AFF1: variants seen among roughly 807,000 people sequenced by gnomAD.
AFF1 encodes the protein ALF transcription elongation factor 1.
Under a neutral mutation model 121.7 loss-of-function variants are expected in AFF1, and 48 were observed. The ratio of observed to expected loss-of-function variants is 0.39; its 90% CI spans 0.31 to 0.50. The LOEUF (loss-of-function observed/expected upper bound fraction) is 0.50, where lower values mean the gene tolerates loss of function less well. AFF1 is among the 20% of genes least tolerant of loss of function. The probability of loss-of-function intolerance (pLI) is 0.76; values close to 1 mark genes in which losing one functional copy is unlikely to be tolerated. For missense variants in AFF1, 1,523 were observed against 1,511.7 expected, an observed-to-expected ratio of 1.01 and a Z score of -0.12; for synonymous variants, 613 against 563.0, an observed-to-expected ratio of 1.09 and a Z score of -1.26.
chr4:87,127,170 C>CCG (rs1553937317), intron 15 of AFF1, 53 bp downstream of exon 15: 2 of 1,293,424 alleles, frequency 1.5e-6, no homozygotes, highest in Non-Finnish European at 2.2e-6. Context: ...TTTGCTTCCC[C>CCG]CCCCCACCAA....
chr4:87,009,787 C>A (rs1030935197), intron 2 of AFF1, among the ~76,000 whole-genome samples: 1 of 152,132 alleles, frequency 6.6e-6, no homozygotes, highest in Middle Eastern at 3.2e-3. Flanking sequence ...CTGAGTAATG[C>A]TAAGAGAAAC....
intron 2 of AFF1, among the ~76,000 whole-genome samples, chr4:87,013,965 A>G (rs1319954480): frequency 6.6e-6 from 1 of 152,138 alleles, no homozygotes; most frequent in Non-Finnish European, 1.5e-5. Flanking sequence ...ACCATGTTGT[A>G]TGATGCTATT....
At chr4:86,998,770 T>C (rs1199683987) in intron 2 of AFF1, among the ~76,000 whole-genome samples, 1 of 152,142 alleles carries the variant, frequency 6.6e-6, no homozygotes, top group African/African-American at 2.4e-5. Flanking sequence ...GAGGGGGTGG[T>C]AGTGGTGATG....
At chr4:87,017,820 G>T (rs1175489493) in intron 2 of AFF1, among the ~76,000 whole-genome samples, 1 of 152,034 alleles carries the variant, frequency 6.6e-6, no homozygotes, top group African/African-American at 2.4e-5. Flanking sequence ...TCCGACTTCA[G>T]TTAAAGATAG....
intron 1 of AFF1, among the ~76,000 whole-genome samples, chr4:86,940,966 T>G (rs1720414399): frequency 6.6e-6 from 1 of 151,964 alleles, no homozygotes; most frequent in African/African-American, 2.4e-5. Context: ...TGGACACCTG[T>G]AATCCCAGCT....
chr4:87,025,124 C>T (rs1267211927), intron 2 of AFF1, among the ~76,000 whole-genome samples: 1 of 152,044 alleles, frequency 6.6e-6, no homozygotes, highest in African/African-American at 2.4e-5. Context: ...AGTTATCTCC[C>T]TTTTTAGGGA....
intron 2 of AFF1, among the ~76,000 whole-genome samples, chr4:86,987,504 C>G (rs1724381435): frequency 6.6e-6 from 1 of 152,114 alleles, no homozygotes; most frequent in Non-Finnish European, 1.5e-5. Context: ...ATGAGTTAGA[C>G]TTGGTGGAGA....
intron 2 of AFF1, among the ~76,000 whole-genome samples, chr4:86,970,677 G>A (rs1722879083): frequency 6.6e-6 from 1 of 152,122 alleles, no homozygotes. Context: ...AGTGTCAGCT[G>A]GATGAAGGAA....
chr4:87,072,071 T>G (rs1361212395), intron 4 of AFF1, among the ~76,000 whole-genome samples: 1 of 152,064 alleles, frequency 6.6e-6, no homozygotes, highest in Non-Finnish European at 1.5e-5. Flanking sequence ...CTTAGAAGAT[T>G]TTAAATTCAG....
In AFF1 at chr4:87,114,799, G is replaced by A; in HGVS notation, c.1966G>A (p.Gly656Arg). 6.2e-7 allele frequency: 1 copy of A among 1,613,098 alleles called. No homozygotes were observed. Among genetic ancestry groups the A allele is most frequent in the Non-Finnish European group, 8.5e-7 (1 of 1,179,646 alleles). ...AGACAAGCCCAAGGTGAAGACGAAA[G>A]GACGGCCCCGGGCCGCAGCAAGCAA... ...SKDKPKVKTK[G>R]RPRAAASNEP... Residue 656 changes from glycine to arginine, a missense_variant, in exon 12 of 21, where the codon GGA (glycine) becomes AGA (arginine). Gly to Arg is a moderately radical substitution (Grantham distance 125). This residue lies in a region of AFF1 where 905 missense variants were observed against 842.5 expected (regional missense o/e 1.07). Coordinates refer to ENST00000395146, the MANE Select transcript of AFF1 (RefSeq NM_001166693.3).
At chr4:86,970,397 G>C (rs1203781282) in intron 2 of AFF1, among the ~76,000 whole-genome samples, 1 of 152,124 alleles carries the variant, frequency 6.6e-6, no homozygotes, top group African/African-American at 2.4e-5. Context: ...ATGAAGGAAT[G>C]AGTCCCCATC....
At chr4:87,067,108 A>C (rs1721436810) in intron 4 of AFF1, among the ~76,000 whole-genome samples, 1 of 152,204 alleles carries the variant, frequency 6.6e-6, no homozygotes, top group African/African-American at 2.4e-5. Flanking sequence ...GAGATTCATG[A>C]AATAAAAGTT....
chr4:86,952,141 T>C (rs986420743), intron 2 of AFF1, among the ~76,000 whole-genome samples: 5 of 152,152 alleles, frequency 3.3e-5, no homozygotes, highest in African/African-American at 4.8e-5. Context: ...GCAGATTCTT[T>C]GTAATTCTTG....
chr4:86,961,659 C>CT (rs1274220882), intron 2 of AFF1, among the ~76,000 whole-genome samples: 1 of 128,350 alleles, frequency 7.8e-6, no homozygotes, highest in Non-Finnish European at 1.8e-5. Flanking sequence ...AGATTAGTTA[C>CT]CCAAAAAAAA....
intron 5 of AFF1, among the ~76,000 whole-genome samples, 164 bp from the exon 6 acceptor site, chr4:87,089,820 G>A (rs561944337): frequency 2.0e-5 from 3 of 152,228 alleles, no homozygotes; most frequent in Non-Finnish European, 4.4e-5. Flanking sequence ...TTTCAACATA[G>A]CCCACTGAAA....
chr4:86,948,736 A>G (rs1413305181), intron 2 of AFF1, among the ~76,000 whole-genome samples, 165 bp downstream of exon 2: 1 of 152,196 alleles, frequency 6.6e-6, no homozygotes, highest in Non-Finnish European at 1.5e-5. Flanking sequence ...AACTTGTTGG[A>G]CTGGCTACAT....
chr4:87,049,094 AAGGG>A (rs763712855), intron 4 of AFF1, among the ~76,000 whole-genome samples: 1,208 of 67,274 alleles, frequency 0.018, 28 homozygotes, highest in African/African-American at 0.067. Context: ...AAAAAAAAAA[AAGGG>A]GGGGGGGGGA....
At position 87,047,518 on chromosome 4, in the gene AFF1, C is replaced by T. The variant is rs754035304; in HGVS notation, c.983C>T (p.Thr328Ile). The change falls in exon 4 of 21, where the codon ACC becomes ATC. Residue 328 changes from threonine (T) to isoleucine (I), a missense_variant. Around this residue, in one of 5 missense-constraint regions of AFF1, gnomAD observed 905 missense variants for 842.5 expected, o/e 1.07. Coordinates refer to ENST00000395146, the MANE Select transcript of AFF1 (RefSeq NM_001166693.3). ...KPLPEDYRQQTFEKTDLKVPA... is the reference protein window; with the variant it reads ...KPLPEDYRQQIFEKTDLKVPA... Reference sequence around the variant, plus strand: ...CTGCCGGAGGACTATCGACAGCAGACCTTTGAAAAAACAGACTTGAAAGTG... The same window carrying T: ...CTGCCGGAGGACTATCGACAGCAGATCTTTGAAAAAACAGACTTGAAAGTG... The T allele has an allele frequency of 2.5e-6, 4 of 1,614,070 alleles. No homozygotes were observed. The highest frequency in any genetic ancestry group is 3.4e-6 in the Non-Finnish European group (4 of 1,180,036).
intron 12 of AFF1, among the ~76,000 whole-genome samples, chr4:87,124,454 ATTG>A (rs1483525440): frequency 1.3e-5 from 2 of 152,186 alleles, no homozygotes; most frequent in African/African-American, 2.4e-5. Flanking sequence ...AATTGTTTCT[ATTG>A]TTGTTATATA....
Sources: allele counts gnomAD v4.1 joint callset (sites outside exome capture counted in the v4.1 genomes callset), GRCh38; gene constraint gnomAD v4.1.1; regional missense constraint gnomAD v4.1.1; transcripts MANE v1.5; gene names NCBI Gene and HGNC (gene_info 2026-07-23, HGNC 2026-07-21).